PRKAG1: variants seen among roughly 807,000 people sequenced by gnomAD.
The protein encoded by PRKAG1 is 5'-AMP-activated protein kinase subunit gamma-1.
PRKAG1 carries 27 observed loss-of-function variants against 48.2 expected under a neutral mutation model. That is an observed-to-expected ratio of 0.56 (90% CI 0.41 to 0.77). PRKAG1 has a LOEUF of 0.77. Ranked by LOEUF, PRKAG1 falls within the 30% of genes least tolerant of loss-of-function variation. PRKAG1 has a pLI of 0.00. For synonymous variants in PRKAG1, 130 were observed against 147.7 expected, an observed-to-expected ratio of 0.88 and a Z score of 0.87; for missense variants, 287 against 398.3, an observed-to-expected ratio of 0.72 and a Z score of 2.38.
intron 1 of PRKAG1, 133 bp from the exon 2 acceptor site, chr12:49,013,243 C>CT (rs111248062): frequency 0.037 from 23,165 of 629,000 alleles, 1,893 homozygotes; most frequent in African/African-American, 0.29. Flanking sequence ...CCGCCAAACC[C>CT]TTTTTTTTTT....
chr12:49,012,168 T>G (rs181551848), intron 2 of PRKAG1, among the ~76,000 whole-genome samples: 128 of 152,226 alleles, frequency 8.4e-4, no homozygotes, highest in Non-Finnish European at 2.1e-4. Flanking sequence ...AGCTGTCGCC[T>G]TCTTTTCATA....
chr12:49,010,060 G>T (rs983666400), intron 2 of PRKAG1, among the ~76,000 whole-genome samples: 2 of 152,054 alleles, frequency 1.3e-5, no homozygotes, highest in African/African-American at 4.8e-5. Context: ...TGTACATGAG[G>T]TTGGGAGAGG....
chr12:49,008,162 A>G (rs967355946), intron 2 of PRKAG1, among the ~76,000 whole-genome samples: 6 of 152,114 alleles, frequency 3.9e-5, no homozygotes, highest in African/African-American at 9.7e-5. Flanking sequence ...CCCGGCCAGT[A>G]TTTAAATCAT....
At position 49,018,750 on chromosome 12, in the gene PRKAG1, C is replaced by A. The variant is rs768874386; in HGVS notation, c.-10G>T. 2.5e-6 allele frequency: 4 copies of A among 1,612,848 alleles called. No homozygotes were observed. Among genetic ancestry groups the A allele is most frequent in the Non-Finnish European group, 3.4e-6 (4 of 1,179,978 alleles). On this transcript the variant is annotated 5_prime_UTR_variant, in exon 1 of 12. Transcript: ENST00000548065. ...TCCTCACCGTCTCCATTGCAAGAGG[C>A]GCCCGGCTTGGTTTCCTCGCTTTAG...
chr12:49,002,901 A>T lies in PRKAG1; in HGVS notation c.994T>A (p.Ter332ArgextTer26), dbSNP rs1043847623. The change falls in exon 12 of 12, where the codon TGA (stop) becomes AGA (arginine). Residue 332 changes from the stop codon to arginine, a stop_lost. Transcript: ENST00000548065. The part of the protein sequence containing the change: ...LVLTGGEKKP[*>R] ...GCTGCATGACCCCTTCCCCCAGCTC[A>T]GGGCTTCTTCTCTCCACCTGTGAGC... The T allele has an allele frequency of 2.5e-6, 4 of 1,613,674 alleles. No individual in the cohort carries two copies. Among genetic ancestry groups the T allele is most frequent in the South Asian group, 1.1e-5 (1 of 91,066 alleles).
chr12:49,016,383 T>G (rs1592288004), intron 1 of PRKAG1, among the ~76,000 whole-genome samples: 1 of 152,378 alleles, frequency 6.6e-6, no homozygotes, highest in Non-Finnish European at 1.5e-5. Flanking sequence ...CAATTATTTG[T>G]TTGACAACCA....
At position 49,005,697 on chromosome 12, in the gene PRKAG1, A is replaced by G. The variant is rs749769122; in HGVS notation, c.168+46T>C. 1.2e-6 allele frequency: 2 copies of G among 1,607,892 alleles called. No homozygotes were observed. The highest frequency in any genetic ancestry group is 2.7e-5 in the African/African-American group (2 of 74,762). ...AGGATGAGATAGGATGAGAGGTATT[A>G]AACCACAGGCTCCAAAGGGGGAAGG... On this transcript the variant is annotated intron_variant, in intron 3 of 11. Coordinates refer to ENST00000548065, the MANE Select transcript of PRKAG1 (RefSeq NM_002733.5). The surrounding 1 kb of genome is among the most constrained non-coding windows in gnomAD (Gnocchi z 4.1).
intron 1 of PRKAG1, chr12:49,018,512 G>A (rs1445748925): frequency 1.4e-6 from 2 of 1,424,076 alleles, no homozygotes; most frequent in Non-Finnish European, 1.8e-6. Flanking sequence ...TTGGGCTAAG[G>A]GTACCGCGTA....
intron 1 of PRKAG1, among the ~76,000 whole-genome samples, chr12:49,014,263 A>C (rs1168790050): frequency 6.6e-6 from 1 of 152,224 alleles, no homozygotes; most frequent in Non-Finnish European, 1.5e-5. Context: ...AGAAGAAACC[A>C]ATACTGCTAC....
chr12:49,018,126 G>A (rs190390851), intron 1 of PRKAG1: 3 of 152,858 alleles, frequency 2.0e-5, no homozygotes, highest in Admixed American at 6.5e-5. Context: ...CAAAACCCCT[G>A]CTTAGAGTCG....
chr12:49,008,078 C>G (rs1161943855), intron 2 of PRKAG1, among the ~76,000 whole-genome samples: 2 of 152,048 alleles, frequency 1.3e-5, no homozygotes, highest in Non-Finnish European at 2.9e-5. Flanking sequence ...AGGCTGATCT[C>G]GAACTCCTGA....
At chr12:49,004,407 T>C in intron 8 of PRKAG1, 100 bp downstream of exon 8, 1 of 1,477,402 alleles carries the variant, frequency 6.8e-7, no homozygotes, top group Non-Finnish European at 9.3e-7. Flanking sequence ...AGTTTGACAC[T>C]AGCCTGAGCA....
chr12:49,008,213 A>G (rs976303076), intron 2 of PRKAG1, among the ~76,000 whole-genome samples: 52 of 152,178 alleles, frequency 3.4e-4, no homozygotes, highest in African/African-American at 1.2e-3. Flanking sequence ...GCCAAATAGT[A>G]AACTCTGATT....
chr12:49,006,375 T>TA (rs1000763192), intron 2 of PRKAG1, among the ~76,000 whole-genome samples: 6 of 149,926 alleles, frequency 4.0e-5, no homozygotes, highest in South Asian at 4.2e-4. Flanking sequence ...CTGTCTCAAT[T>TA]AAAAAAAAAA....
intron 8 of PRKAG1, 86 bp downstream of exon 8, chr12:49,004,421 C>A: frequency 1.3e-6 from 2 of 1,532,798 alleles, no homozygotes; most frequent in South Asian, 2.4e-5. Context: ...CTGAGCAACA[C>A]AGTGAGACCT....
intron 2 of PRKAG1, among the ~76,000 whole-genome samples, chr12:49,010,809 T>A (rs1452942846): frequency 6.6e-6 from 1 of 152,030 alleles, no homozygotes; most frequent in African/African-American, 2.4e-5. Flanking sequence ...TTATGGTGGT[T>A]TTAGGGGAGT....
At chr12:49,003,719 T>C (rs1941397078) in intron 9 of PRKAG1, 38 bp downstream of exon 9, 3 of 1,606,454 alleles carry the variant, frequency 1.9e-6, no homozygotes, top group Non-Finnish European at 2.6e-6. Context: ...CTGACTTGCC[T>C]GGATCTTCCC....
chr12:49,013,513 C>G (rs866639709), intron 1 of PRKAG1, among the ~76,000 whole-genome samples: 1 of 152,126 alleles, frequency 6.6e-6, no homozygotes, highest in Non-Finnish European at 1.5e-5. Context: ...CAAAGCACTA[C>G]GATTACAGGC....
Position 49,013,525 on chromosome 12 carries a change from C to T in PRKAG1, c.10-415G>A, listed in dbSNP as rs182604243. 1.4e-3 allele frequency among the ~76,000 whole-genome samples: 208 copies of T among 152,234 alleles called. 1 individual carries two copies. The highest frequency in any genetic ancestry group is 3.4e-3 in the Middle Eastern group (1 of 294). The stretch of plus-strand genomic sequence containing the variant: ...TCTCAAAGCACTACGATTACAGGCA[C>T]GAGTTACTGCACCCAGCCTTATAAG... On this transcript the variant is annotated intron_variant, in intron 1 of 11. Transcript: ENST00000548065.
Sources: allele counts gnomAD v4.1 joint callset (sites outside exome capture counted in the v4.1 genomes callset), GRCh38; gene constraint gnomAD v4.1.1; non-coding constraint Gnocchi (gnomAD v3.1); transcripts MANE v1.5; gene names NCBI Gene and HGNC (gene_info 2026-07-23, HGNC 2026-07-21).